DOCK1: variants seen among roughly 807,000 people sequenced by gnomAD.
DOCK1 encodes the protein dedicator of cytokinesis 1.
A neutral mutation model predicts 262.7 loss-of-function variants in DOCK1; 138 were observed. That is an observed-to-expected ratio of 0.53 (90% CI 0.46 to 0.61). DOCK1 has a LOEUF of 0.61. DOCK1 is among the 20% of genes least tolerant of loss of function. DOCK1 has a pLI of 0.00. For synonymous variants in DOCK1, 866 were observed against 867.4 expected (o/e 1.00, Z 0.03); for missense variants, 1,908 against 2,370.7 (o/e 0.80, Z 4.05).
chr10:127,369,707 A>C (rs114513375), intron 33 of DOCK1, among the ~76,000 whole-genome samples: 8,146 of 152,258 alleles, frequency 0.054, 483 homozygotes, highest in African/African-American at 0.15. Context: ...CAGGCTCATG[A>C]GTGTTTCACA....
At chr10:127,379,599 G>C (rs576259186) in intron 35 of DOCK1, among the ~76,000 whole-genome samples, 3 of 152,174 alleles carry the variant, frequency 2.0e-5, no homozygotes, top group African/African-American at 4.8e-5. Flanking sequence ...GTGGCTACTG[G>C]CTAGTGTATT....
At chr10:127,189,885 G>A (rs542344276) in intron 27 of DOCK1, among the ~76,000 whole-genome samples, 5 of 147,446 alleles carry the variant, frequency 3.4e-5, no homozygotes, top group African/African-American at 1.3e-4. Context: ...TAAATTGGTG[G>A]GTCTGGCACA....
At chr10:127,186,524 C>CT (rs2056282171) in intron 27 of DOCK1, among the ~76,000 whole-genome samples, 1 of 85,706 alleles carries the variant, frequency 1.2e-5, no homozygotes, top group African/African-American at 4.1e-5. Context: ...CGCCCCCCCC[C>CT]GATCCAGTTA....
chr10:127,443,678 C>T (rs1281623242), intron 49 of DOCK1, among the ~76,000 whole-genome samples: 1 of 152,114 alleles, frequency 6.6e-6, no homozygotes, highest in East Asian at 1.9e-4. Context: ...TCTGTACATA[C>T]TGTGTGTGTG....
chr10:126,946,868 G>A (rs1399995411), intron 1 of DOCK1, among the ~76,000 whole-genome samples: 2 of 152,204 alleles, frequency 1.3e-5, no homozygotes, highest in Non-Finnish European at 2.9e-5. Context: ...TGAACAACTT[G>A]TCCACTCTTT....
In DOCK1 at chr10:126,998,360, G is replaced by T. The variant is rs190830054; in HGVS notation, c.767+111G>T. ...GCTGAGAGGCCTTGGATGAATGGCT[G>T]CTGGACACGAGCAAGCAGCCGAGTC... On this transcript the variant is annotated intron_variant, in intron 8 of 51. Coordinates refer to ENST00000623213, the MANE Select transcript of DOCK1 (RefSeq NM_001290223.2). The T allele has an allele frequency of 8.6e-5, 122 of 1,423,466 alleles. No homozygotes were observed. In the Admixed American group the frequency reaches 2.2e-3, roughly 26 times the overall value. 88.2% of individuals were successfully genotyped at this position (1,423,466 alleles called of 1,614,324 possible).
intron 27 of DOCK1, among the ~76,000 whole-genome samples, chr10:127,178,584 G>A (rs1026169005): frequency 1.3e-5 from 2 of 152,316 alleles, no homozygotes; most frequent in Admixed American, 1.3e-4. Flanking sequence ...GCTCTTGTTC[G>A]ATTATCCTAT....
intron 1 of DOCK1, among the ~76,000 whole-genome samples, chr10:126,969,964 G>A (rs1375906756): frequency 6.6e-6 from 1 of 152,196 alleles, no homozygotes; most frequent in Non-Finnish European, 1.5e-5. Context: ...CTATTAGGTA[G>A]AGGCTGTTGG....
chr10:127,328,618 G>A (rs964161507), intron 29 of DOCK1, among the ~76,000 whole-genome samples: 4 of 152,070 alleles, frequency 2.6e-5, no homozygotes, highest in Non-Finnish European at 4.4e-5. Flanking sequence ...GCAGGGATGC[G>A]AGGGACGGCA....
chr10:127,032,223 C>G lies in DOCK1; in HGVS notation c.1815C>G (p.Ala605=), dbSNP rs1253698672. ...KAELEEKGHS[A]TGKSMQSLGS... ...AGTTGGAAGAAAAGGGCCACTCGGC[C>G]ACCGGCAAGAGCATGCAGAGCCTTG... The change falls in exon 18 of 52, where the codon GCC becomes GCG. Residue 605 remains alanine (A), a synonymous_variant. Coordinates refer to ENST00000623213, the MANE Select transcript of DOCK1 (RefSeq NM_001290223.2). The G allele has an allele frequency of 2.5e-6, 4 of 1,601,358 alleles. No homozygotes were observed. In the African/African-American group the frequency reaches 5.4e-5, roughly 21 times the overall value.
At chr10:127,375,543 AT>A (rs1025841889) in intron 35 of DOCK1, among the ~76,000 whole-genome samples, 2 of 152,234 alleles carry the variant, frequency 1.3e-5, no homozygotes, top group African/African-American at 4.8e-5. Flanking sequence ...ATGACACATC[AT>A]TCACTCTTTA....
intron 29 of DOCK1, among the ~76,000 whole-genome samples, chr10:127,311,947 C>T (rs915316085): frequency 6.6e-6 from 1 of 152,104 alleles, no homozygotes; most frequent in Non-Finnish European, 1.5e-5. Flanking sequence ...TCATTGCAAC[C>T]TCCGTCTCCT....
At chr10:127,009,976 C>T (rs11017808) in intron 11 of DOCK1, among the ~76,000 whole-genome samples, 1 of 152,172 alleles carries the variant, frequency 6.6e-6, no homozygotes, top group Admixed American at 6.5e-5. Context: ...GCTTTTTGTA[C>T]AGCTCAGTAG....
At chr10:127,072,567 G>A (rs1159348088) in intron 23 of DOCK1, among the ~76,000 whole-genome samples, 2 of 152,186 alleles carry the variant, frequency 1.3e-5, no homozygotes, top group African/African-American at 4.8e-5. Context: ...CTGATACAAA[G>A]GTAGTCACCA....
intron 27 of DOCK1, among the ~76,000 whole-genome samples, chr10:127,142,143 G>T: frequency 6.6e-6 from 1 of 152,200 alleles, no homozygotes; most frequent in Non-Finnish European, 1.5e-5. Flanking sequence ...TGTTTTCTGG[G>T]TGATGTTTGT....
chr10:127,079,791 C>T (rs914976012), intron 23 of DOCK1, among the ~76,000 whole-genome samples: 8 of 152,066 alleles, frequency 5.3e-5, no homozygotes, highest in Non-Finnish European at 7.4e-5. Context: ...ATTAGCTGGG[C>T]GTGTAGGTGC....
intron 1 of DOCK1, among the ~76,000 whole-genome samples, chr10:126,948,649 C>G (rs1445166683): frequency 6.6e-6 from 1 of 152,028 alleles, no homozygotes; most frequent in Admixed American, 6.6e-5. Flanking sequence ...GTTGCAGGGT[C>G]AGGTATGCTG....
chr10:127,246,674 G>A (rs1272665569), intron 27 of DOCK1, among the ~76,000 whole-genome samples: 1 of 152,170 alleles, frequency 6.6e-6, no homozygotes, highest in Non-Finnish European at 1.5e-5. Flanking sequence ...TGTTCAATTT[G>A]AGTAATGCGT....
intron 40 of DOCK1, among the ~76,000 whole-genome samples, chr10:127,406,864 T>C (rs1336511760): frequency 6.6e-6 from 1 of 152,218 alleles, no homozygotes; most frequent in African/African-American, 2.4e-5. Flanking sequence ...TATTATGTTT[T>C]CTCATGTAAA....
Sources: gnomAD v4.1 joint callset for allele counts (sites outside exome capture counted in the v4.1 genomes callset) on GRCh38, gnomAD v4.1.1 for gene constraint, MANE v1.5 for transcripts, NCBI Gene and HGNC (gene_info 2026-07-23, HGNC 2026-07-21) for gene names.